PTPRK: variants seen among roughly 807,000 people sequenced by gnomAD.
PTPRK encodes the protein protein tyrosine phosphatase receptor type K.
PTPRK carries 75 observed loss-of-function variants against 178.0 expected under a neutral mutation model. That is an observed-to-expected ratio of 0.42 (90% confidence interval 0.35 to 0.51). The LOEUF (loss-of-function observed/expected upper bound fraction) is 0.51, where lower values mean the gene tolerates loss of function less well. PTPRK is among the 20% of genes least tolerant of loss of function. The pLI is 0.02. For synonymous variants in PTPRK, 637 were observed against 620.6 expected (o/e 1.03, Z -0.39); for missense variants, 1,441 against 1,797.8 (o/e 0.80, Z 3.59).
chr6:128,204,986 G>A (rs750648657), intron 6 of PTPRK, among the ~76,000 whole-genome samples: 5 of 151,984 alleles, frequency 3.3e-5, no homozygotes, highest in East Asian at 1.9e-4. Flanking sequence ...AGCACTATTC[G>A]CAATAGCAAA....
intron 13 of PTPRK, among the ~76,000 whole-genome samples, chr6:128,053,165 C>T (rs2114881901): frequency 1.3e-5 from 2 of 151,450 alleles, no homozygotes; most frequent in Middle Eastern, 6.8e-3. Flanking sequence ...CACACACACA[C>T]ACACACACAC....
intron 1 of PTPRK, among the ~76,000 whole-genome samples, chr6:128,411,924 T>A (rs1842351794): frequency 6.6e-6 from 1 of 152,332 alleles, no homozygotes; most frequent in African/African-American, 2.4e-5. Flanking sequence ...TTTTTGAAAA[T>A]TTGCAGTCTC....
rs746951497 is a variant in PTPRK at position 128,219,106 on chromosome 6, G to C, written c.694-10C>G. 5.3e-5 allele frequency: 85 copies of C among 1,600,060 alleles called. 4 individuals carry two copies. The highest frequency in any genetic ancestry group is 4.3e-6 in the Non-Finnish European group (5 of 1,170,732). ...CTTCTCCATTTCGTCTCTGCAAACA[G>C]AAACCAATCTTTAAAAACAGGTTCT... On this transcript the variant is annotated splice_polypyrimidine_tract_variant and intron_variant, in intron 5 of 29. Transcript: ENST00000368226.
At chr6:128,343,461 T>C (rs1391455355) in intron 2 of PTPRK, among the ~76,000 whole-genome samples, 2 of 148,698 alleles carry the variant, frequency 1.3e-5, no homozygotes, top group East Asian at 2.0e-4. Flanking sequence ...GATCGCACCA[T>C]TGCACTCCAG....
intron 2 of PTPRK, among the ~76,000 whole-genome samples, chr6:128,360,186 C>T (rs1357662711): frequency 1.3e-5 from 2 of 152,184 alleles, no homozygotes; most frequent in African/African-American, 4.8e-5. Context: ...AAAATCACAA[C>T]ATTCTAACAA....
chr6:128,015,891 TTA>T (rs1424937092), intron 13 of PTPRK, among the ~76,000 whole-genome samples: 4 of 151,838 alleles, frequency 2.6e-5, no homozygotes, highest in African/African-American at 9.7e-5. Flanking sequence ...CCCATTTAAA[TTA>T]TATCTTACCA....
At chr6:128,340,663 T>G in intron 2 of PTPRK, 1 of 330,780 alleles carries the variant, frequency 3.0e-6, no homozygotes, top group South Asian at 2.7e-5. Flanking sequence ...ATAAAATCAA[T>G]ACAGTTTAAA....
chr6:128,000,693 T>A (rs1198797697), intron 15 of PTPRK, among the ~76,000 whole-genome samples: 2 of 152,046 alleles, frequency 1.3e-5, no homozygotes, highest in African/African-American at 4.8e-5. Flanking sequence ...CCAGAAAAAT[T>A]AAATTCAGAA....
At chr6:128,302,290 G>T (rs374524540) in intron 3 of PTPRK, among the ~76,000 whole-genome samples, 1 of 151,116 alleles carries the variant, frequency 6.6e-6, no homozygotes, top group Non-Finnish European at 1.5e-5. Context: ...TACTAGGGAG[G>T]CTGCGGCATA....
At chr6:128,064,488 C>G (rs1182560250) in intron 13 of PTPRK, among the ~76,000 whole-genome samples, 1 of 152,170 alleles carries the variant, frequency 6.6e-6, no homozygotes, top group Non-Finnish European at 1.5e-5. Flanking sequence ...ATTGGTTGAT[C>G]AGCAGCACAA....
intron 1 of PTPRK, among the ~76,000 whole-genome samples, chr6:128,492,997 C>A (rs2128431063): frequency 6.6e-6 from 1 of 152,188 alleles, no homozygotes; most frequent in East Asian, 1.9e-4. Context: ...GTGTGGTGTC[C>A]CATGTGCCAC....
At chr6:128,438,319 C>T (rs139933148) in intron 1 of PTPRK, among the ~76,000 whole-genome samples, 2 of 152,348 alleles carry the variant, frequency 1.3e-5, no homozygotes, top group Admixed American at 6.5e-5. Flanking sequence ...CTTCATTCTA[C>T]CTACTCTTAT....
chr6:128,208,672 C>A (rs1807442838), intron 6 of PTPRK, among the ~76,000 whole-genome samples: 2 of 152,022 alleles, frequency 1.3e-5, no homozygotes, highest in African/African-American at 4.8e-5. Flanking sequence ...CACAGTTAAA[C>A]AACATGAAAA....
chr6:127,995,559 A>C, intron 17 of PTPRK, 21 bp from the exon 18 acceptor site: 1 of 1,451,268 alleles, frequency 6.9e-7, no homozygotes, highest in Non-Finnish European at 9.4e-7. Context: ...AAAATAATAA[A>C]TATAAGCTGT....
At chr6:128,444,237 G>C (rs1846650845) in intron 1 of PTPRK, among the ~76,000 whole-genome samples, 1 of 152,110 alleles carries the variant, frequency 6.6e-6, no homozygotes, top group Non-Finnish European at 1.5e-5. Flanking sequence ...CCCAATGTTA[G>C]CAAAATCCTG....
At chr6:128,190,118 C>T (rs1479506758) in intron 6 of PTPRK, among the ~76,000 whole-genome samples, 7 of 152,128 alleles carry the variant, frequency 4.6e-5, no homozygotes, top group Non-Finnish European at 8.8e-5. Context: ...TATAACAACA[C>T]AATTTAACTT....
chr6:128,227,251 C>T (rs1004567686), intron 5 of PTPRK, among the ~76,000 whole-genome samples: 4 of 152,136 alleles, frequency 2.6e-5, no homozygotes, highest in Non-Finnish European at 5.9e-5. Context: ...CATATGAGTC[C>T]ACAACTATAA....
intron 13 of PTPRK, among the ~76,000 whole-genome samples, chr6:128,064,491 C>T (rs1781410957): frequency 6.6e-6 from 1 of 152,168 alleles, no homozygotes; most frequent in African/African-American, 2.4e-5. Flanking sequence ...GGTTGATCAG[C>T]AGCACAAGAT....
chr6:128,305,773 C>T (rs974966399), intron 3 of PTPRK, among the ~76,000 whole-genome samples: 22 of 152,112 alleles, frequency 1.4e-4, no homozygotes, highest in Non-Finnish European at 1.5e-5. Context: ...GAATTTCACC[C>T]AGAAGAACCC....
Sources: gnomAD v4.1 joint callset for allele counts (sites outside exome capture counted in the v4.1 genomes callset) on GRCh38, gnomAD v4.1.1 for gene constraint, MANE v1.5 for transcripts, NCBI Gene and HGNC (gene_info 2026-07-23, HGNC 2026-07-21) for gene names.